SAV1: variants seen among roughly 807,000 people sequenced by gnomAD.
SAV1 encodes the protein protein salvador homolog 1.
In SAV1, 23 loss-of-function variants were observed where a neutral mutation model predicts 47.3. The ratio of observed to expected loss-of-function variants is 0.49; its 90% confidence interval spans 0.35 to 0.69. SAV1 has a LOEUF of 0.69. Ranked by LOEUF, SAV1 falls within the 30% of genes least tolerant of loss-of-function variation. The pLI, the probability that SAV1 is intolerant of heterozygous loss-of-function variation, is 0.01. For missense variants in SAV1, 448 were observed against 457.4 expected (o/e 0.98, Z 0.19); for synonymous variants, 155 against 159.2 (o/e 0.97, Z 0.20).
chr14:50,664,354 ATC>A (rs1272697384), intron 2 of SAV1: 4 of 152,318 alleles, frequency 2.6e-5, no homozygotes, highest in African/African-American at 7.2e-5. Context: ...CAAAAAGTAA[ATC>A]TGTCTCACAT....
intron 1 of SAV1, 85 bp downstream of exon 1, chr14:50,667,789 T>C: frequency 9.6e-7 from 1 of 1,045,048 alleles, no homozygotes; most frequent in Non-Finnish European, 1.5e-6. Flanking sequence ...GGAGAAGCCC[T>C]GGAGACCCGC....
intron 4 of SAV1, among the ~76,000 whole-genome samples, chr14:50,636,845 C>T (rs995234452): frequency 1.3e-5 from 2 of 152,048 alleles, no homozygotes; most frequent in Non-Finnish European, 2.9e-5. Flanking sequence ...ATGTTATACC[C>T]GAAATTATAC....
At chr14:50,662,327 C>T (rs1288655161) in intron 2 of SAV1, among the ~76,000 whole-genome samples, 1 of 152,166 alleles carries the variant, frequency 6.6e-6, no homozygotes, top group Non-Finnish European at 1.5e-5. Context: ...TGCCACCACG[C>T]CCGGCTAATT....
intron 2 of SAV1, among the ~76,000 whole-genome samples, chr14:50,662,357 C>T (rs866789446): frequency 4.9e-4 from 74 of 152,268 alleles, no homozygotes; most frequent in Non-Finnish European, 9.3e-4. Context: ...TTAGTAGAGA[C>T]AGGGTTTCAC....
chr14:50,667,736 C>G (rs1241846812), intron 1 of SAV1, 138 bp downstream of exon 1: 2 of 655,554 alleles, frequency 3.1e-6, no homozygotes, highest in South Asian at 1.9e-5. Flanking sequence ...ACTTCAGACA[C>G]AAGAAAATCT....
intron 2 of SAV1, among the ~76,000 whole-genome samples, chr14:50,648,605 C>T (rs112439042): frequency 0.18 from 28,030 of 151,756 alleles, 2,986 homozygotes; most frequent in African/African-American, 0.29. Context: ...CGGTGAAACC[C>T]CATCTCTACT....
At chr14:50,636,220 TAAG>T in intron 4 of SAV1, among the ~76,000 whole-genome samples, 2 of 152,316 alleles carry the variant, frequency 1.3e-5, no homozygotes, top group South Asian at 4.1e-4. Flanking sequence ...GTCAGGAACT[TAAG>T]AATACTTTAG....
At chr14:50,644,263 G>T (rs1488889982) in intron 3 of SAV1, among the ~76,000 whole-genome samples, 2 of 152,166 alleles carry the variant, frequency 1.3e-5, no homozygotes, top group Non-Finnish European at 2.9e-5. Flanking sequence ...TTATTAAACA[G>T]AAATGGGATG....
chr14:50,645,125 T>C, intron 2 of SAV1, 111 bp from the exon 3 acceptor site: 1 of 899,310 alleles, frequency 1.1e-6, no homozygotes, highest in East Asian at 2.6e-5. Context: ...CTCTTCTATT[T>C]AAATTCATGA....
In SAV1 at chr14:50,667,882, A is replaced by G; in HGVS notation, c.86T>C (p.Leu29Pro). 1 of 1,612,892 alleles carries G rather than the reference A, an allele frequency of 6.2e-7. No individual in the cohort carries two copies. The change falls in exon 1 of 5, where the codon CTG (leucine) becomes CCG (proline). Residue 29 changes from leucine (L) to proline (P), a missense_variant. Leu to Pro is a moderately conservative substitution (Grantham distance 98). Coordinates refer to ENST00000324679, the MANE Select transcript of SAV1 (RefSeq NM_021818.4). ...GKYVKKETSPLLRNLMPSFIR... is the reference protein window; with the variant it reads ...GKYVKKETSPPLRNLMPSFIR... ...CCCCGCCTGACACTCACTCCGAAGC[A>G]GAGGCGACGTCTCCTTCTTCACGTA...
intron 2 of SAV1, among the ~76,000 whole-genome samples, chr14:50,658,361 C>A (rs1224091966): frequency 6.6e-6 from 1 of 152,188 alleles, no homozygotes; most frequent in South Asian, 2.1e-4. Context: ...CTTTAGTATT[C>A]CAACTAAAGA....
chr14:50,654,775 G>A (rs781151045), intron 2 of SAV1, among the ~76,000 whole-genome samples: 2 of 152,184 alleles, frequency 1.3e-5, no homozygotes, highest in Non-Finnish European at 2.9e-5. Flanking sequence ...AAAGGCTTAT[G>A]GAGAACTTCA....
In SAV1 at chr14:50,667,864, T is replaced by G. The variant is rs763138396; in HGVS notation, c.94+10A>C. 6.2e-7 allele frequency: 1 copy of G among 1,612,198 alleles called. No homozygotes were observed. On this transcript the variant is annotated intron_variant, in intron 1 of 4. Transcript: ENST00000324679. ...GGGCCAGGTGTGGGCACGCCCCGCCTGACACTCACTCCGAAGCAGAGGCGA... is the reference window on the plus strand; with the variant it reads ...GGGCCAGGTGTGGGCACGCCCCGCCGGACACTCACTCCGAAGCAGAGGCGA...
At chr14:50,641,968 T>C (rs903713750) in intron 3 of SAV1, among the ~76,000 whole-genome samples, 1 of 152,034 alleles carries the variant, frequency 6.6e-6, no homozygotes, top group African/African-American at 2.4e-5. Context: ...TAAATGCCCA[T>C]CAATGGTGGG....
At chr14:50,657,475 CACA>C (rs1367314591) in intron 2 of SAV1, among the ~76,000 whole-genome samples, 2 of 152,162 alleles carry the variant, frequency 1.3e-5, no homozygotes, top group East Asian at 1.9e-4. Context: ...CCAGTGGTCA[CACA>C]ACAAGTGGTA....
chr14:50,661,153 T>C (rs1197579121), intron 2 of SAV1, among the ~76,000 whole-genome samples: 1 of 152,244 alleles, frequency 6.6e-6, no homozygotes, highest in Non-Finnish European at 1.5e-5. Context: ...ACAATAGCCA[T>C]TCTGACTGGG....
chr14:50,666,479 A>G (rs1199077413), intron 1 of SAV1, among the ~76,000 whole-genome samples: 2 of 152,210 alleles, frequency 1.3e-5, no homozygotes, highest in African/African-American at 4.8e-5. Flanking sequence ...AGACACTCAT[A>G]TTAATAAGCT....
At chr14:50,661,086 T>C (rs1158419194) in intron 2 of SAV1, among the ~76,000 whole-genome samples, 1 of 152,234 alleles carries the variant, frequency 6.6e-6, no homozygotes, top group African/African-American at 2.4e-5. Context: ...ACCAACAGTC[T>C]GTAACAGTTG....
chr14:50,654,910 T>C (rs1299301945), intron 2 of SAV1, among the ~76,000 whole-genome samples: 5 of 152,218 alleles, frequency 3.3e-5, no homozygotes, highest in Non-Finnish European at 7.3e-5. Flanking sequence ...CTATGCAGTA[T>C]TCTGGCAAAA....
Sources: gnomAD v4.1 joint callset for allele counts (sites outside exome capture counted in the v4.1 genomes callset) on GRCh38, gnomAD v4.1.1 for gene constraint, MANE v1.5 for transcripts, NCBI Gene and HGNC (gene_info 2026-07-23, HGNC 2026-07-21) for gene names.